The following BCO1 variants were observed in gnomAD, a reference collection of about 807,000 sequenced individuals.
The protein encoded by BCO1 is beta-carotene oxygenase 1.
A neutral mutation model predicts 56.3 loss-of-function variants in BCO1; 54 were observed. The observed-to-expected ratio is 0.96, with a 90% CI of 0.77 to 1.20. The LOEUF is 1.20. Among genes scored for constraint, BCO1 ranks in the 50% most tolerant of loss-of-function variants. BCO1 has a pLI of 0.00. For missense variants in BCO1, 801 were observed against 690.9 expected, an observed-to-expected ratio of 1.16 and a Z score of -1.79; for synonymous variants, 318 against 266.1, an observed-to-expected ratio of 1.20 and a Z score of -1.90.
intron 3 of BCO1, among the ~76,000 whole-genome samples, chr16:81,260,917 T>G (rs1238982535): frequency 2.6e-5 from 4 of 152,218 alleles, no homozygotes. Context: ...ATCTTCTTTC[T>G]GAAACTCTCT....
intron 5 of BCO1, among the ~76,000 whole-genome samples, chr16:81,265,628 C>T (rs1464466442): frequency 6.7e-6 from 1 of 150,232 alleles, no homozygotes; most frequent in Non-Finnish European, 1.5e-5. Flanking sequence ...ACCCATCCAC[C>T]ATCCATCCAT....
At chr16:81,240,099 T>C (rs1213874099) in intron 1 of BCO1, among the ~76,000 whole-genome samples, 1 of 152,104 alleles carries the variant, frequency 6.6e-6, no homozygotes, top group African/African-American at 2.4e-5. Context: ...TATATTTTCC[T>C]GGTTACAAAG....
intron 10 of BCO1, among the ~76,000 whole-genome samples, chr16:81,287,990 C>G (rs1277595617): frequency 1.3e-5 from 2 of 152,070 alleles, no homozygotes; most frequent in Non-Finnish European, 2.9e-5. Flanking sequence ...CAAGTTCATA[C>G]CACACGGCAC....
intron 2 of BCO1, among the ~76,000 whole-genome samples, chr16:81,253,429 A>G (rs1905934138): frequency 6.6e-6 from 1 of 152,230 alleles, no homozygotes; most frequent in Admixed American, 6.5e-5. Flanking sequence ...ACCAAGGTCA[A>G]GTGCATGGTT....
intron 7 of BCO1, among the ~76,000 whole-genome samples, chr16:81,271,304 G>A (rs918878199): frequency 6.6e-6 from 1 of 151,430 alleles, no homozygotes; most frequent in Non-Finnish European, 1.5e-5. Context: ...TAGAAAAGAC[G>A]GGGTTTCACC....
intron 7 of BCO1, among the ~76,000 whole-genome samples, chr16:81,278,388 G>A (rs1907680510): frequency 2.0e-5 from 3 of 152,122 alleles, no homozygotes; most frequent in Admixed American, 2.0e-4. Context: ...GGGCTCCTTT[G>A]TCTCTGCATT....
At chr16:81,248,555 T>A (rs1325801359) in intron 2 of BCO1, among the ~76,000 whole-genome samples, 3 of 152,158 alleles carry the variant, frequency 2.0e-5, no homozygotes, top group African/African-American at 7.2e-5. Flanking sequence ...GAGCTCTGAG[T>A]CTGCAATACC....
intron 10 of BCO1, among the ~76,000 whole-genome samples, chr16:81,289,440 A>G (rs1360549146): frequency 6.6e-6 from 1 of 152,110 alleles, no homozygotes; most frequent in African/African-American, 2.4e-5. Context: ...CCAGGAGTCC[A>G]AGACCAGCAT....
chr16:81,252,708 G>C (rs1157330889), intron 2 of BCO1, among the ~76,000 whole-genome samples: 1 of 152,220 alleles, frequency 6.6e-6, no homozygotes, highest in East Asian at 1.9e-4. Flanking sequence ...TCTCCATGTA[G>C]CATGTAGCTG....
intron 8 of BCO1, 47 bp from the exon 9 acceptor site, chr16:81,285,493 C>T: frequency 7.3e-7 from 1 of 1,365,790 alleles, no homozygotes; most frequent in Non-Finnish European, 1.0e-6. Context: ...TGGATGCTCC[C>T]AGCCCCCAAT....
Position 81,259,563 on chromosome 16 carries a change from T to C in BCO1, c.194-113T>C. ...CGGCCCTGTGTACTAAAGGAGCTTG[T>C]CCTAGTGAAATAACCACCTTCTTCT... is the stretch of plus-strand genomic sequence containing the variant. On this transcript the variant is annotated intron_variant, in intron 2 of 10. Transcript: ENST00000258168. 8.0e-6 allele frequency: 10 copies of C among 1,247,868 alleles called. No homozygotes were observed. In the South Asian group the frequency reaches 1.2e-4, roughly 16 times the overall value. The allele number at this position is 1,247,868 out of a possible 1,614,324, so 77.3% of individuals were successfully genotyped here. A position where few individuals can be genotyped will look rare whatever the true frequency, so the allele number is the denominator to read the frequency against.
intron 9 of BCO1, among the ~76,000 whole-genome samples, chr16:81,286,441 T>C (rs1315789965): frequency 2.0e-5 from 3 of 152,162 alleles, no homozygotes; most frequent in African/African-American, 2.4e-5. Flanking sequence ...TAAGAGAGAT[T>C]CAGGGAATTG....
chr16:81,247,466 C>G (rs1189239540), intron 2 of BCO1, among the ~76,000 whole-genome samples: 1 of 152,038 alleles, frequency 6.6e-6, no homozygotes, highest in African/African-American at 2.4e-5. Context: ...AGTTCCAGAC[C>G]AATCTGTGCA....
At chr16:81,287,208 T>G in intron 9 of BCO1, 87 bp from the exon 10 acceptor site, 2 of 993,524 alleles carry the variant, frequency 2.0e-6, no homozygotes, top group Non-Finnish European at 3.2e-6. Context: ...TCATCTCCTC[T>G]GTGTGGATCT....
Position 81,245,503 on chromosome 16 carries a change from C to G in BCO1, c.93C>G (p.Thr31=). Reference sequence around the variant, plus strand: ...AGATTCCAGCATGGCTGCAGGGAACCCTGCTCCGCAATGGGCCTGGGATGC... The same window carrying G: ...AGATTCCAGCATGGCTGCAGGGAACGCTGCTCCGCAATGGGCCTGGGATGC... The part of the protein sequence containing the change: ...TGKIPAWLQG[T]LLRNGPGMHT... Residue 31 remains threonine (T), a synonymous_variant, in exon 2 of 11, where the codon ACC becomes ACG. Coordinates refer to ENST00000258168, the MANE Select transcript of BCO1 (RefSeq NM_017429.3). 6.2e-7 allele frequency: 1 copy of G among 1,613,770 alleles called. No homozygotes were observed. Among genetic ancestry groups the G allele is most frequent in the South Asian group, 1.1e-5 (1 of 91,056 alleles).
chr16:81,270,556 C>A, intron 7 of BCO1, 140 bp downstream of exon 7: 1 of 1,133,864 alleles, frequency 8.8e-7, no homozygotes, highest in Non-Finnish European at 1.2e-6. Context: ...TTGTTTTTCC[C>A]AAAGTAGTAC....
intron 2 of BCO1, among the ~76,000 whole-genome samples, chr16:81,245,975 G>C (rs1905389948): frequency 6.8e-6 from 1 of 148,108 alleles, no homozygotes; most frequent in Non-Finnish European, 1.5e-5. Flanking sequence ...TGATTCTCCT[G>C]CCTCAGCCTC....
At chr16:81,268,753 T>G (rs1267645555) in intron 6 of BCO1, among the ~76,000 whole-genome samples, 1 of 152,128 alleles carries the variant, frequency 6.6e-6, no homozygotes, top group African/African-American at 2.4e-5. Flanking sequence ...GTATTACTAG[T>G]GTTTATTTAC....
intron 2 of BCO1, among the ~76,000 whole-genome samples, chr16:81,257,087 C>G (rs1458765820): frequency 1.3e-5 from 2 of 152,104 alleles, no homozygotes; most frequent in African/African-American, 4.8e-5. Flanking sequence ...AACAGGACAG[C>G]TCTGCCCTCT....
Sources: gnomAD v4.1 joint callset for allele counts (sites outside exome capture counted in the v4.1 genomes callset) on GRCh38, gnomAD v4.1.1 for gene constraint, MANE v1.5 for transcripts, NCBI Gene and HGNC (gene_info 2026-07-23, HGNC 2026-07-21) for gene names.